Variants in BAIAP2L2 observed in about 807,000 individuals in gnomAD.
BAIAP2L2 encodes the protein BAR/IMD domain-containing adapter protein 2-like 2.
A neutral mutation model predicts 60.4 loss-of-function variants in BAIAP2L2; 65 were observed. That is an observed-to-expected ratio of 1.08 (90% CI 0.88 to 1.32). The LOEUF is 1.32. Ranked by LOEUF, BAIAP2L2 falls within the 40% of genes most tolerant of loss-of-function variation. The probability of loss-of-function intolerance (pLI) is 0.00; values close to 1 mark genes in which losing one functional copy is unlikely to be tolerated. For missense variants in BAIAP2L2, 836 were observed against 741.2 expected, an observed-to-expected ratio of 1.13 and a Z score of -1.48; for synonymous variants, 344 against 301.7, an observed-to-expected ratio of 1.14 and a Z score of -1.45.
intron 6 of BAIAP2L2, 21 bp from the exon 7 acceptor site, chr22:38,097,199 T>G (rs1462212590): frequency 6.2e-7 from 1 of 1,607,804 alleles, no homozygotes; most frequent in South Asian, 1.1e-5. Context: ...ACGGGAGTTC[T>G]GGCTGGGGGC....
At chr22:38,098,797 TCCTC>T (rs1212555034) in intron 4 of BAIAP2L2, among the ~76,000 whole-genome samples, 2 of 152,226 alleles carry the variant, frequency 1.3e-5, no homozygotes, top group African/African-American at 2.4e-5. Flanking sequence ...GCCTGGAATT[TCCTC>T]CCTATCTTCC....
Position 38,086,401 on chromosome 22 carries a change from C to T in BAIAP2L2, c.1308G>A (p.Arg436=). ...CCGAGGGTGCTATGGAGTTGCCCGG[C>T]CGGTCCAGGAGGTCATCGAGGCTGT... ...GSHSLDDLLD[R]PGNSIAPSEY... Residue 436 remains arginine (R), a synonymous_variant, in exon 12 of 14, where the codon CGG becomes CGA. Transcript: ENST00000381669. 2 of 1,529,730 alleles carry T rather than the reference C, an allele frequency of 1.3e-6. No individual in the cohort carries two copies. Among genetic ancestry groups the T allele is most frequent in the South Asian group, 2.5e-5 (2 of 80,494 alleles). The allele number at this position is 1,529,730 out of a possible 1,614,324, so 94.8% of individuals were successfully genotyped here. A position where few individuals can be genotyped will look rare whatever the true frequency, so the allele number is the denominator to read the frequency against.
At position 38,086,371 on chromosome 22, in the gene BAIAP2L2, G is replaced by A. The variant is rs369923129; in HGVS notation, c.1338C>T (p.Tyr446=). Residue 446 remains tyrosine (Y), a synonymous_variant, in exon 12 of 14, where the codon TAC becomes TAT. Transcript: ENST00000381669. The part of the protein sequence containing the change: ...RPGNSIAPSE[Y]WDGQSRSRTP... ...TGCGGGAGCGGGACTGGCCATCCCA[G>A]TACTCCGAGGGTGCTATGGAGTTGC... The A allele has an allele frequency of 3.9e-6, 3 of 767,046 alleles. No individual in the cohort carries two copies. Among genetic ancestry groups the A allele is most frequent in the Non-Finnish European group, 5.8e-6 (3 of 521,454 alleles). 47.5% of individuals were successfully genotyped at this position (767,046 alleles called of 1,614,324 possible). A position where few individuals can be genotyped will look rare whatever the true frequency, so the allele number is the denominator to read the frequency against.
intron 6 of BAIAP2L2, among the ~76,000 whole-genome samples, chr22:38,097,677 C>T (rs2086469607): frequency 6.6e-6 from 1 of 151,626 alleles, no homozygotes; most frequent in African/African-American, 2.4e-5. Flanking sequence ...TGGCCCTAGC[C>T]GGGGGCGGGA....
At chr22:38,085,499 TC>T in intron 13 of BAIAP2L2, 124 bp from the exon 14 acceptor site, 1 of 1,293,286 alleles carries the variant, frequency 7.7e-7, no homozygotes, top group Non-Finnish European at 1.1e-6. Flanking sequence ...CTCCATCCAC[TC>T]CTTGCCCCGC....
intron 1 of BAIAP2L2, 82 bp downstream of exon 1, chr22:38,110,393 G>GC (rs2086818890): frequency 1.4e-6 from 2 of 1,401,134 alleles, no homozygotes; most frequent in African/African-American, 2.8e-5. Flanking sequence ...GCCCCGGCTG[G>GC]CCCTCCGTCC....
chr22:38,110,157 C>CAGAGAGAGAGAGAGAGGGAGAGAG (rs1266096999), intron 1 of BAIAP2L2, among the ~76,000 whole-genome samples: 1 of 33,562 alleles, frequency 3.0e-5, no homozygotes, highest in Non-Finnish European at 5.3e-5. Flanking sequence ...GAGGGAGAGA[C>CAGAGAGAGAGAGAGAGGGAGAGAG]AGAGAGAGAG....
At position 38,097,034 on chromosome 22, in the gene BAIAP2L2, G is replaced by C. The variant is rs370193273; in HGVS notation, c.610C>G (p.Arg204Gly). The change falls in exon 7 of 14, where the codon CGG becomes GGG. Residue 204 changes from arginine to glycine, a missense_variant and splice_region_variant. Physicochemically the swap from Arg to Gly is moderately radical, Grantham distance 125 (BLOSUM62 -2). Transcript: ENST00000381669. ...TGCTGCCCCCCAGTCCAACTCACCCGGCCGAAGAACTGCAGGAAGGTGTTG... is the reference window on the plus strand; with the variant it reads ...TGCTGCCCCCCAGTCCAACTCACCCCGCCGAAGAACTGCAGGAAGGTGTTG... ...LSNTFLQFFG[R>G]ARGMLQNRVL... 1 of 1,611,068 alleles carries C rather than the reference G, an allele frequency of 6.2e-7. No individual in the cohort carries two copies. The highest frequency in any genetic ancestry group is 2.2e-5 in the East Asian group (1 of 44,812).
At chr22:38,087,896 C>CA (rs1419773536) in intron 10 of BAIAP2L2, among the ~76,000 whole-genome samples, 1 of 151,418 alleles carries the variant, frequency 6.6e-6, no homozygotes, top group Non-Finnish European at 1.5e-5. Context: ...AGTGACCCCC[C>CA]CCCCGCCATT....
intron 7 of BAIAP2L2, among the ~76,000 whole-genome samples, chr22:38,096,773 GAATA>G (rs1400628506): frequency 6.6e-6 from 1 of 152,168 alleles, no homozygotes; most frequent in Non-Finnish European, 1.5e-5. Context: ...GTCCACACAT[GAATA>G]AATAAATGCA....
intron 4 of BAIAP2L2, among the ~76,000 whole-genome samples, chr22:38,106,724 C>T (rs540697821): frequency 9.8e-5 from 15 of 152,288 alleles, no homozygotes; most frequent in South Asian, 4.1e-4. Context: ...TCAGCCCCTG[C>T]GCCCAAGCCC....
At chr22:38,107,119 G>T (rs1280151690) in intron 4 of BAIAP2L2, among the ~76,000 whole-genome samples, 1 of 152,124 alleles carries the variant, frequency 6.6e-6, no homozygotes, top group African/African-American at 2.4e-5. Context: ...AGAGTCCAAG[G>T]TCACAAAACT....
In BAIAP2L2 at chr22:38,098,171, G is replaced by A. The variant is rs930122249; in HGVS notation, c.357C>T (p.Arg119=). ...GGCGGTACTCGAGCTCATAGTGCTG[G>A]CGGCTGTCCTGGGGTAGGGTGGAGT... is the stretch of plus-strand genomic sequence containing the variant. The part of the protein sequence containing the change: ...KLDMQFIKDS[R]QHYELEYRHR... Residue 119 remains arginine, a synonymous_variant, in exon 6 of 14, where the codon CGC becomes CGT. Transcript: ENST00000381669. The A allele has an allele frequency of 1.2e-6, 2 of 1,614,110 alleles. No homozygotes were observed. The highest frequency in any genetic ancestry group is 1.7e-6 in the Non-Finnish European group (2 of 1,180,032).
At position 38,106,528 on chromosome 22, in the gene BAIAP2L2, T is replaced by TAA. The variant is rs71195083; in HGVS notation, c.276+1322_276+1323dup. On this transcript the variant is annotated intron_variant, in intron 4 of 13. Coordinates refer to ENST00000381669, the MANE Select transcript of BAIAP2L2 (RefSeq NM_025045.6). ...GAGCAAGACTCCGTCTCAAAAAAAT[T>TAA]AAAAAAAAAAAAAAAAAAAAGATTG... 2.8e-3 allele frequency among the ~76,000 whole-genome samples: 341 copies of TAA among 121,946 alleles called. 5 individuals are homozygous for TAA. Among genetic ancestry groups the TAA allele is most frequent in the South Asian group, 5.9e-3 (23 of 3,900 alleles). 80.0% of individuals were successfully genotyped at this position (121,946 alleles called of 152,430 possible).
In BAIAP2L2 at chr22:38,087,250, G is replaced by A. The variant is rs371554829; in HGVS notation, c.1133C>T (p.Pro378Leu). ...CTCCAGAGCCTTCACGTACGCCTCG[G>A]GGAACCAACCGCTCCTGTGGGGTAG... Reference protein sequence around the residue: ...LEGSSASGWFPEAYVKALEEG... With the variant: ...LEGSSASGWFLEAYVKALEEG... The change falls in exon 11 of 14, where the codon CCC becomes CTC. Residue 378 changes from proline (P) to leucine (L), a missense_variant. Coordinates refer to ENST00000381669, the MANE Select transcript of BAIAP2L2 (RefSeq NM_025045.6). The A allele has an allele frequency of 2.4e-5, 39 of 1,606,168 alleles. No homozygotes were observed. The highest frequency in any genetic ancestry group is 3.3e-5 in the Non-Finnish European group (39 of 1,176,676).
chr22:38,102,420 A>G (rs889147419), intron 4 of BAIAP2L2, among the ~76,000 whole-genome samples: 26 of 152,198 alleles, frequency 1.7e-4, no homozygotes, highest in Non-Finnish European at 3.4e-4. Context: ...AACAACAGAA[A>G]GAGATCTTGC....
At chr22:38,108,370 C>T (rs1209401183) in intron 2 of BAIAP2L2, 29 bp from the exon 3 acceptor site, 4 of 1,562,684 alleles carry the variant, frequency 2.6e-6, no homozygotes, top group Non-Finnish European at 3.5e-6. Flanking sequence ...AGGTCTGGTC[C>T]AGCCCTGCCT....
At chr22:38,086,057 G>A (rs2086055912) in intron 12 of BAIAP2L2, among the ~76,000 whole-genome samples, 185 bp downstream of exon 12, 2 of 152,144 alleles carry the variant, frequency 1.3e-5, no homozygotes, top group Admixed American at 1.3e-4. Context: ...CCTGTCCTGG[G>A]ACCCTGGTCT....
rs567480954 is a variant in BAIAP2L2, at chr22:38,086,131, G to A, written c.1467+111C>T. 1.6e-3 allele frequency: 1,913 copies of A among 1,212,606 alleles called. 6 individuals are homozygous for A. The highest frequency in any genetic ancestry group is 1.9e-3 in the Non-Finnish European group (1,662 of 855,052). The allele number at this position is 1,212,606 out of a possible 1,614,324, so 75.1% of individuals were successfully genotyped here. On this transcript the variant is annotated intron_variant, in intron 12 of 13. Transcript: ENST00000381669. Reference sequence around the variant, plus strand: ...CTGCACTGAGGAACAGACTGAGTGAGGCCAGGTAGGCGGGTCCCCTGCCAG... The same window carrying A: ...CTGCACTGAGGAACAGACTGAGTGAAGCCAGGTAGGCGGGTCCCCTGCCAG...
Sources: allele counts gnomAD v4.1 joint callset (sites outside exome capture counted in the v4.1 genomes callset), GRCh38; gene constraint gnomAD v4.1.1; transcripts MANE v1.5; gene names NCBI Gene and HGNC (gene_info 2026-07-23, HGNC 2026-07-21).